Variants in SLC25A21 observed in about 807,000 individuals in gnomAD.
SLC25A21 encodes solute carrier family 25 member 21.
Under a neutral mutation model 43.8 loss-of-function variants are expected in SLC25A21, and 47 were observed. That is an observed-to-expected ratio of 1.07 (90% confidence interval 0.85 to 1.37). The LOEUF (loss-of-function observed/expected upper bound fraction) is 1.37. Among genes scored for constraint, SLC25A21 ranks in the 40% most tolerant of loss-of-function variants. The probability of loss-of-function intolerance (pLI) is 0.00; values close to 1 mark genes in which losing one functional copy is unlikely to be tolerated. For missense variants in SLC25A21, 352 were observed against 350.2 expected, an observed-to-expected ratio of 1.00 and a Z score of -0.04; for synonymous variants, 131 against 121.3, an observed-to-expected ratio of 1.08 and a Z score of -0.52.
At chr14:36,686,936 G>A (rs1376602939) in intron 7 of SLC25A21, among the ~76,000 whole-genome samples, 1 of 152,122 alleles carries the variant, frequency 6.6e-6, no homozygotes, top group African/African-American at 2.4e-5. Flanking sequence ...ACTAGCAGGA[G>A]TAAGTGTCCA....
At chr14:36,789,531 T>C (rs1430579562) in intron 3 of SLC25A21, among the ~76,000 whole-genome samples, 1 of 151,320 alleles carries the variant, frequency 6.6e-6, no homozygotes, top group African/African-American at 2.4e-5. Context: ...ACAGGCAGCA[T>C]TCACTACATC....
intron 1 of SLC25A21, chr14:37,097,275 A>T (rs950011722): frequency 8.6e-5 from 13 of 151,712 alleles, no homozygotes; most frequent in African/African-American, 3.1e-4. Flanking sequence ...TAATTTTTGT[A>T]TTTTTAGTAG....
At chr14:36,808,354 G>C (rs1888117054) in intron 3 of SLC25A21, among the ~76,000 whole-genome samples, 3 of 152,152 alleles carry the variant, frequency 2.0e-5, no homozygotes, top group Non-Finnish European at 4.4e-5. Flanking sequence ...ATTAGATTGA[G>C]TCTTGAGTTG....
At chr14:36,934,373 G>T (rs1235554376) in intron 1 of SLC25A21, among the ~76,000 whole-genome samples, 1 of 150,832 alleles carries the variant, frequency 6.6e-6, no homozygotes. Context: ...ATTCTAGTAA[G>T]TAACACAACT....
intron 1 of SLC25A21, among the ~76,000 whole-genome samples, chr14:37,102,979 G>T (rs1173125281): frequency 2.7e-5 from 4 of 149,480 alleles, no homozygotes; most frequent in Non-Finnish European, 5.9e-5. Context: ...AACAGAGTGA[G>T]ACTGTGTCTC....
intron 1 of SLC25A21, among the ~76,000 whole-genome samples, chr14:37,092,687 A>G (rs1354415329): frequency 6.6e-6 from 1 of 152,124 alleles, no homozygotes; most frequent in Admixed American, 6.5e-5. Context: ...TGCAGGCACT[A>G]TGGAAAGTGG....
intron 2 of SLC25A21, among the ~76,000 whole-genome samples, chr14:36,828,008 T>C (rs1338433131): frequency 6.6e-6 from 1 of 152,180 alleles, no homozygotes; most frequent in Admixed American, 6.5e-5. Context: ...TGTGGCTTCA[T>C]GCCTTCATCA....
At chr14:36,932,554 A>G (rs1892321649) in intron 1 of SLC25A21, among the ~76,000 whole-genome samples, 1 of 152,066 alleles carries the variant, frequency 6.6e-6, no homozygotes, top group Non-Finnish European at 1.5e-5. Flanking sequence ...GTGCTGGTGA[A>G]ACAAAATTAA....
chr14:36,734,543 T>C lies in SLC25A21; in HGVS notation c.234A>G (p.Pro78=), dbSNP rs902804865. 3 of 1,607,896 alleles carry C rather than the reference T, an allele frequency of 1.9e-6. No homozygotes were observed. Among genetic ancestry groups the C allele is most frequent in the Admixed American group, 3.4e-5 (2 of 59,552 alleles). Residue 78 remains proline, a synonymous_variant, in exon 4 of 10, where the codon CCA becomes CCG. Transcript: ENST00000331299. ...GLFGFYKGIL[P]PILAETPKRA... ...TTTTTGGGGTTTCAGCCAAGATAGG[T>C]GGCAGAATTCCCTTGTAAAAACCAA... is the stretch of plus-strand genomic sequence containing the variant.
chr14:36,802,946 T>A (rs918927245), intron 3 of SLC25A21, among the ~76,000 whole-genome samples: 1 of 152,232 alleles, frequency 6.6e-6, no homozygotes, highest in African/African-American at 2.4e-5. Flanking sequence ...GGCAAAATTT[T>A]ATCATCATAT....
intron 1 of SLC25A21, among the ~76,000 whole-genome samples, chr14:36,878,035 C>T (rs747894748): frequency 8.5e-5 from 13 of 152,132 alleles, no homozygotes; most frequent in Admixed American, 2.6e-4. Flanking sequence ...ATCTAATCAT[C>T]TTCTCCATTT....
intron 1 of SLC25A21, among the ~76,000 whole-genome samples, chr14:36,934,720 A>AAGAGAGAG (rs71124785): frequency 7.3e-5 from 11 of 150,762 alleles, no homozygotes; most frequent in African/African-American, 2.7e-4. Flanking sequence ...ACACAGAGAA[A>AAGAGAGAG]AGAGAGAGAG....
At chr14:36,988,337 CAG>C (rs1416672814) in intron 1 of SLC25A21, among the ~76,000 whole-genome samples, 3 of 152,134 alleles carry the variant, frequency 2.0e-5, no homozygotes, top group Non-Finnish European at 4.4e-5. Flanking sequence ...CTAGATAAAA[CAG>C]GGTACGTGTC....
chr14:36,717,716 CTTAA>C (rs1184952108), intron 6 of SLC25A21, among the ~76,000 whole-genome samples: 1 of 152,196 alleles, frequency 6.6e-6, no homozygotes, highest in Admixed American at 6.5e-5. Flanking sequence ...CCTTGAGCTT[CTTAA>C]TTATCTAGAT....
At chr14:37,040,143 T>C (rs982239135) in intron 1 of SLC25A21, among the ~76,000 whole-genome samples, 45 of 147,852 alleles carry the variant, frequency 3.0e-4, no homozygotes, top group African/African-American at 1.1e-3. Context: ...GAAGTTGCAG[T>C]GAACCAAGAT....
intron 1 of SLC25A21, among the ~76,000 whole-genome samples, chr14:37,119,364 C>T (rs1373045778): frequency 6.6e-6 from 1 of 152,102 alleles, no homozygotes; most frequent in Non-Finnish European, 1.5e-5. Context: ...GCCTGGCCAA[C>T]ATGGTGAAGC....
Position 36,684,844 on chromosome 14 carries a change from C to G in SLC25A21, c.685G>C (p.Asp229His). 6.2e-7 allele frequency: 1 copy of G among 1,613,980 alleles called. No individual in the cohort carries two copies. Among genetic ancestry groups the G allele is most frequent in the Non-Finnish European group, 8.5e-7 (1 of 1,179,958 alleles). Reference sequence around the variant, plus strand: ...CCTTGAATCCTACTTTTGGCAACATCAAAAGGGATGTTAATGACTGAGGCT... The same window carrying G: ...CCTTGAATCCTACTTTTGGCAACATGAAAAGGGATGTTAATGACTGAGGCT... ...TIASVINIPFDVAKSRIQGPQ... is the reference protein window; with the variant it reads ...TIASVINIPFHVAKSRIQGPQ... The change falls in exon 8 of 10, where the codon GAT becomes CAT. Residue 229 changes from aspartate (D) to histidine (H), a missense_variant. Coordinates refer to ENST00000331299, the MANE Select transcript of SLC25A21 (RefSeq NM_030631.4).
chr14:36,893,684 A>G (rs1158880061), intron 1 of SLC25A21, among the ~76,000 whole-genome samples: 21 of 152,104 alleles, frequency 1.4e-4, no homozygotes, highest in Admixed American at 1.4e-3. Flanking sequence ...TAGGTCTAAC[A>G]TTTAAGTCTT....
chr14:37,156,884 A>G (rs983606530), intron 1 of SLC25A21, among the ~76,000 whole-genome samples: 2 of 152,210 alleles, frequency 1.3e-5, no homozygotes, highest in African/African-American at 4.8e-5. Context: ...TACACAAAAT[A>G]TCAACAAAGA....
Sources: gnomAD v4.1 joint callset for allele counts (sites outside exome capture counted in the v4.1 genomes callset) on GRCh38, gnomAD v4.1.1 for gene constraint, MANE v1.5 for transcripts, NCBI Gene and HGNC (gene_info 2026-07-23, HGNC 2026-07-21) for gene names.